Variants in SETD5 observed in about 807,000 individuals in gnomAD.
SETD5 encodes the protein SET domain containing 5.
Under a neutral mutation model 153.3 loss-of-function variants are expected in SETD5, and 44 were observed. The ratio of observed to expected loss-of-function variants is 0.29; its 90% CI spans 0.23 to 0.37. The LOEUF is 0.37. Ranked by LOEUF, SETD5 falls within the 10% of genes least tolerant of loss-of-function variation. The pLI, the probability that SETD5 is intolerant of heterozygous loss-of-function variation, is 1.00. For missense variants in SETD5, 1,544 were observed against 1,768.0 expected, an observed-to-expected ratio of 0.87 and a Z score of 2.27; for synonymous variants, 716 against 645.2, an observed-to-expected ratio of 1.11 and a Z score of -1.66.
intron 17 of SETD5, among the ~76,000 whole-genome samples, chr3:9,456,480 T>TAAA (rs369657820): frequency 7.5e-4 from 91 of 121,778 alleles, no homozygotes; most frequent in Non-Finnish European, 1.3e-3. Context: ...CTTTAAAACT[T>TAAA]AAAAAAAAAA....
At chr3:9,422,036 G>T (rs1188794868) in intron 1 of SETD5, among the ~76,000 whole-genome samples, 1 of 151,928 alleles carries the variant, frequency 6.6e-6, no homozygotes, top group East Asian at 1.9e-4. Flanking sequence ...TATTTAGTGA[G>T]AAAAAAATAA....
Position 9,429,010 on chromosome 3 carries a change from G to A in SETD5, c.71+1G>A, listed in dbSNP as rs1404883894. 6.2e-7 allele frequency: 1 copy of A among 1,611,064 alleles called. No individual in the cohort carries two copies. Among genetic ancestry groups the A allele is most frequent in the Non-Finnish European group, 8.5e-7 (1 of 1,178,064 alleles). On this transcript the variant is annotated splice_donor_variant, in intron 3 of 22. Coordinates refer to ENST00000402198, the MANE Select transcript of SETD5 (RefSeq NM_001080517.3). LOFTEE classifies it high-confidence loss of function. ...ACTCAGATATGGCTGCTGGATCAGA[G>A]TAAGTGCTACTTTCTAGGTAGTAGG...
At chr3:9,398,107 G>A (rs927283945) in intron 1 of SETD5, 130 bp downstream of exon 1, 96 of 152,450 alleles carry the variant, frequency 6.3e-4, no homozygotes, top group African/African-American at 2.3e-3. Context: ...CTCTTAGGAG[G>A]ATGCTGCCAC....
intron 13 of SETD5, among the ~76,000 whole-genome samples, chr3:9,446,346 G>A (rs535838917): frequency 5.4e-5 from 8 of 149,506 alleles, no homozygotes; most frequent in African/African-American, 2.0e-4. Flanking sequence ...GAATCAAAAT[G>A]TATTATAGTT....
At position 9,475,952 on chromosome 3, in the gene SETD5, C is replaced by G. The variant is rs1391646940; in HGVS notation, c.4190C>G (p.Ser1397Ter). ...ATCAGTCTGCCCAGTGCTGGGCAGT[C>G]AGCTGTCTACCAGGCCTCCAGGGTA... ...RTISLPSAGQ[S>*]AVYQASRVSA... Residue 1397 changes from serine to a stop codon, truncating the protein, a stop_gained, in exon 23 of 23, where the codon TCA (serine) becomes TGA (stop). Transcript: ENST00000402198. LOFTEE classifies it high-confidence loss of function. 2 of 1,614,028 alleles carry G rather than the reference C, an allele frequency of 1.2e-6. No individual in the cohort carries two copies. The highest frequency in any genetic ancestry group is 1.3e-5 in the African/African-American group (1 of 75,046).
At chr3:9,420,818 A>T (rs2038265702) in intron 1 of SETD5, among the ~76,000 whole-genome samples, 1 of 148,150 alleles carries the variant, frequency 6.7e-6, no homozygotes. Context: ...TCTTATGCTT[A>T]ACACTTCTCT....
At chr3:9,467,737 C>G (rs1012767932) in intron 18 of SETD5, among the ~76,000 whole-genome samples, 4 of 152,120 alleles carry the variant, frequency 2.6e-5, no homozygotes, top group South Asian at 4.1e-4. Context: ...ATTAAGCACT[C>G]ACTGCTCAGT....
intron 16 of SETD5, among the ~76,000 whole-genome samples, chr3:9,451,774 T>C (rs1156404749): frequency 1.3e-5 from 2 of 152,216 alleles, no homozygotes; most frequent in African/African-American, 4.8e-5. Flanking sequence ...CCAGGGCTTC[T>C]GGACTCCAAA....
chr3:9,422,869 C>A (rs2038612937), intron 1 of SETD5, among the ~76,000 whole-genome samples: 1 of 152,178 alleles, frequency 6.6e-6, no homozygotes, highest in Admixed American at 6.5e-5. Flanking sequence ...AGGATTGCAT[C>A]ATTTCTGGGA....
chr3:9,427,440 C>T (rs1399100912), intron 2 of SETD5, among the ~76,000 whole-genome samples: 1 of 152,158 alleles, frequency 6.6e-6, no homozygotes, highest in Non-Finnish European at 1.5e-5. Flanking sequence ...ATCCTAACTA[C>T]TTGGGAAGCT....
Position 9,422,296 on chromosome 3 carries a change from G to A in SETD5, c.-176-2171G>A, listed in dbSNP as rs187626275. On this transcript the variant is annotated intron_variant, in intron 1 of 22. Transcript: ENST00000402198. The stretch of plus-strand genomic sequence containing the variant: ...ATACCTTATATGTCAGCCTAAGCAA[G>A]ATTAGATTTTCTCTTTTCTCTGATA... Among the ~76,000 whole-genome samples, 204 of 152,250 alleles carry A rather than the reference G, an allele frequency of 1.3e-3. 4 individuals are homozygous for A. The East Asian group carries it at 0.024, about 18-fold the overall frequency.
chr3:9,433,239 C>T (rs1296859518), intron 3 of SETD5: 5 of 489,196 alleles, frequency 1.0e-5, no homozygotes, highest in South Asian at 2.1e-5. Context: ...ATAATTTTGT[C>T]CTTAATATGC....
At chr3:9,427,959 G>A (rs1336257010) in intron 2 of SETD5, among the ~76,000 whole-genome samples, 1 of 152,134 alleles carries the variant, frequency 6.6e-6, no homozygotes, top group Non-Finnish European at 1.5e-5. Flanking sequence ...ACCATGTCAA[G>A]CTATCCTCAC....
intron 17 of SETD5, among the ~76,000 whole-genome samples, chr3:9,463,318 G>A (rs2044199607): frequency 6.6e-6 from 1 of 152,128 alleles, no homozygotes; most frequent in African/African-American, 2.4e-5. Flanking sequence ...CACCACACCT[G>A]GCCCTGTTTC....
intron 1 of SETD5, among the ~76,000 whole-genome samples, chr3:9,413,687 T>TTATG (rs1559359769): frequency 6.9e-6 from 1 of 144,084 alleles, no homozygotes; most frequent in Non-Finnish European, 1.5e-5. Flanking sequence ...TGTGTGTGTA[T>TTATG]TATTTATTTA....
chr3:9,413,672 G>GTGTT (rs1378906281), intron 1 of SETD5, among the ~76,000 whole-genome samples: 3 of 151,722 alleles, frequency 2.0e-5, no homozygotes, highest in Admixed American at 1.3e-4. Context: ...GTGTGTGTGT[G>GTGTT]TGTGTGTGTG....
At chr3:9,417,772 A>C (rs1227836210) in intron 1 of SETD5, among the ~76,000 whole-genome samples, 1 of 149,672 alleles carries the variant, frequency 6.7e-6, no homozygotes, top group African/African-American at 2.5e-5. Flanking sequence ...GGCGGGATCC[A>C]CTGCGCCTGG....
chr3:9,470,579 T>A lies in SETD5; in HGVS notation c.2845T>A (p.Ser949Thr). The change falls in exon 19 of 23, where the codon TCC (serine) becomes ACC (threonine). Residue 949 changes from serine to threonine, a missense_variant. Physicochemically the swap from Ser to Thr is moderately conservative, Grantham distance 58. Around this residue, in one of 9 missense-constraint regions of SETD5, gnomAD observed 782 missense variants for 787.2 expected, o/e 0.99. Transcript: ENST00000402198. ...TCATTCTGACCTGGCTCCTCATCCC[T>A]CCCTCGGACCCACTTCTGAGACTGG... ...SGHSDLAPHP[S>T]LGPTSETGFP... 6.2e-7 allele frequency: 1 copy of A among 1,613,902 alleles called. No individual in the cohort carries two copies.
At chr3:9,425,255 G>A (rs1188846458) in intron 2 of SETD5, among the ~76,000 whole-genome samples, 1 of 151,474 alleles carries the variant, frequency 6.6e-6, no homozygotes, top group African/African-American at 2.4e-5. Context: ...GTAGAGACAG[G>A]GTTTCACCGT....
Sources: gnomAD v4.1 joint callset for allele counts (sites outside exome capture counted in the v4.1 genomes callset) on GRCh38, gnomAD v4.1.1 for gene constraint, gnomAD v4.1.1 regional missense constraint, MANE v1.5 for transcripts, NCBI Gene and HGNC (gene_info 2026-07-23, HGNC 2026-07-21) for gene names.